APPBP2: variants seen among roughly 807,000 people sequenced by gnomAD.
APPBP2 encodes amyloid beta precursor protein binding protein 2.
A neutral mutation model predicts 76.0 loss-of-function variants in APPBP2; 15 were observed. That is an observed-to-expected ratio of 0.20 (90% CI 0.13 to 0.30). APPBP2 has a LOEUF of 0.30. APPBP2 is among the 10% of genes least tolerant of loss of function. The pLI is 1.00. For missense variants in APPBP2, 401 were observed against 687.2 expected (o/e 0.58, Z 4.66); for synonymous variants, 222 against 242.2 (o/e 0.92, Z 0.77).
Position 60,494,629 on chromosome 17 carries a change from GAA to G in APPBP2, c.228-14_228-13del, listed in dbSNP as rs745911838. On this transcript the variant is annotated splice_polypyrimidine_tract_variant and intron_variant, in intron 2 of 12. Transcript: ENST00000083182. ...GATGAAGCAAATGTCTGTAAGAAAA[GAA>G]AAAGATTATTTTATAGAGTTAATTT... 1.9e-6 allele frequency: 3 copies of G among 1,568,226 alleles called. No homozygotes were observed. In the South Asian group the frequency reaches 3.6e-5, roughly 19 times the overall value.
At chr17:60,516,528 T>G (rs370208757) in intron 1 of APPBP2, among the ~76,000 whole-genome samples, 54 of 152,358 alleles carry the variant, frequency 3.5e-4, no homozygotes, top group African/African-American at 1.2e-3. Flanking sequence ...TTTGCAAGAT[T>G]CATTCATATT....
intron 1 of APPBP2, among the ~76,000 whole-genome samples, chr17:60,516,057 T>C (rs1349741109): frequency 6.6e-6 from 1 of 151,984 alleles, no homozygotes; most frequent in Non-Finnish European, 1.5e-5. Context: ...TCCCAGCTAC[T>C]GGGGAAGCTG....
chr17:60,457,245 T>C (rs1013656260), intron 9 of APPBP2, among the ~76,000 whole-genome samples: 2 of 152,154 alleles, frequency 1.3e-5, no homozygotes, highest in African/African-American at 4.8e-5. Flanking sequence ...TATCACCAAA[T>C]AGAAGGTAAG....
At chr17:60,462,118 A>C (rs2090479952) in intron 6 of APPBP2, 57 bp from the exon 7 acceptor site, 1 of 1,324,462 alleles carries the variant, frequency 7.6e-7, no homozygotes, top group Non-Finnish European at 1.1e-6. Flanking sequence ...GTGCTAAAAT[A>C]CGTGTAGTTT....
At position 60,464,021 on chromosome 17, in the gene APPBP2, C is replaced by T; in HGVS notation, c.762G>A (p.Lys254=). ...TTAATAATTTTAACATTATATTTACCTTAGAAGCTTGTCTTAAGACATCCA... is the reference window on the plus strand; with the variant it reads ...TTAATAATTTTAACATTATATTTACTTTAGAAGCTTGTCTTAAGACATCCA... The part of the protein sequence containing the change: ...VVVDVLRQAS[K]ACVVKREFKK... The change falls in exon 6 of 13, where the codon AAG becomes AAA. Residue 254 remains lysine (K), a splice_region_variant and synonymous_variant. Coordinates refer to ENST00000083182, the MANE Select transcript of APPBP2 (RefSeq NM_006380.5). The T allele has an allele frequency of 6.3e-7, 1 of 1,590,852 alleles. No homozygotes were observed. The highest frequency in any genetic ancestry group is 1.1e-5 in the South Asian group (1 of 88,368).
intron 2 of APPBP2, among the ~76,000 whole-genome samples, chr17:60,495,434 TA>T (rs2090766741): frequency 1.7e-5 from 2 of 114,966 alleles, no homozygotes; most frequent in African/African-American, 1.1e-4. Flanking sequence ...ATATTTTATT[TA>T]TTTATTATTT....
intron 3 of APPBP2, among the ~76,000 whole-genome samples, chr17:60,491,144 A>G (rs8070347): frequency 0.2 from 29,724 of 152,166 alleles, 9,655 homozygotes; most frequent in African/African-American, 0.67. Flanking sequence ...CTTGTTGAAT[A>G]GCTTTGATCA....
intron 2 of APPBP2, among the ~76,000 whole-genome samples, chr17:60,499,236 T>C (rs1474158509): frequency 6.7e-6 from 1 of 150,044 alleles, no homozygotes; most frequent in Non-Finnish European, 1.5e-5. Flanking sequence ...GAGGCTGAGG[T>C]GGGAGGATGG....
intron 12 of APPBP2, among the ~76,000 whole-genome samples, chr17:60,448,632 A>C (rs2090368457): frequency 6.6e-6 from 1 of 152,238 alleles, no homozygotes; most frequent in Non-Finnish European, 1.5e-5. Flanking sequence ...CTGATGGGGA[A>C]ATTTCTGGGC....
At chr17:60,476,626 G>C (rs2090593095) in intron 4 of APPBP2, among the ~76,000 whole-genome samples, 2 of 152,180 alleles carry the variant, frequency 1.3e-5, no homozygotes, top group Admixed American at 1.3e-4. Context: ...AAGACATAAG[G>C]TCTTGGTATA....
chr17:60,465,077 T>C (rs1331692148), intron 5 of APPBP2: 1 of 152,164 alleles, frequency 6.6e-6, no homozygotes, highest in Non-Finnish European at 1.5e-5. Context: ...ATGTGATTTC[T>C]TTCCACAATT....
chr17:60,486,683 G>A (rs998715510), intron 3 of APPBP2, among the ~76,000 whole-genome samples: 1 of 152,078 alleles, frequency 6.6e-6, no homozygotes. Context: ...GGGGCATTTA[G>A]CCCATTTATA....
intron 4 of APPBP2, among the ~76,000 whole-genome samples, chr17:60,471,883 T>G (rs1020774839): frequency 1.3e-5 from 2 of 152,182 alleles, no homozygotes; most frequent in African/African-American, 4.8e-5. Flanking sequence ...CCTAGAACTT[T>G]GGGAGGCCAA....
chr17:60,504,670 C>T (rs1436948085), intron 1 of APPBP2, among the ~76,000 whole-genome samples: 1 of 152,060 alleles, frequency 6.6e-6, no homozygotes, highest in African/African-American at 2.4e-5. Context: ...AAAATCAGCC[C>T]GGCATGGCTG....
chr17:60,455,783 A>AT lies in APPBP2; in HGVS notation c.1147+512dup, dbSNP rs369294456. 3.3e-3 allele frequency among the ~76,000 whole-genome samples: 460 copies of AT among 137,354 alleles called. 1 individual carries two copies. Among genetic ancestry groups the AT allele is most frequent in the African/African-American group, 0.015 (415 of 27,942 alleles). 90.1% of individuals were successfully genotyped at this position (137,354 alleles called of 152,430 possible). A position where few individuals can be genotyped will look rare whatever the true frequency, so the allele number is the denominator to read the frequency against. On this transcript the variant is annotated intron_variant, in intron 10 of 12. Transcript: ENST00000083182. ...AAAAGAAAGAAATTCTGGCTTACTG[A>AT]TTTTTTTTTCTTGAGACAGAGTCTC...
At chr17:60,481,456 T>C (rs749185435) in intron 3 of APPBP2, among the ~76,000 whole-genome samples, 1 of 152,194 alleles carries the variant, frequency 6.6e-6, no homozygotes, top group Non-Finnish European at 1.5e-5. Flanking sequence ...ATGCTGATAA[T>C]TGATTTTATA....
At chr17:60,457,861 T>C (rs559589557) in intron 9 of APPBP2, among the ~76,000 whole-genome samples, 70 of 152,362 alleles carry the variant, frequency 4.6e-4, no homozygotes, top group African/African-American at 1.7e-3. Flanking sequence ...TGATTTTTAG[T>C]GTATTCACAG....
chr17:60,464,311 C>T (rs2090495747), intron 5 of APPBP2, among the ~76,000 whole-genome samples: 4 of 152,206 alleles, frequency 2.6e-5, no homozygotes, highest in Admixed American at 1.3e-4. Flanking sequence ...TATAGCTTAT[C>T]TGAATCAGAC....
intron 3 of APPBP2, among the ~76,000 whole-genome samples, chr17:60,485,946 T>G (rs1431987261): frequency 6.6e-6 from 1 of 152,196 alleles, no homozygotes; most frequent in Non-Finnish European, 1.5e-5. Context: ...CTGCCTTCAT[T>G]TCGTTATTTA....
Sources: gnomAD v4.1 joint callset for allele counts (sites outside exome capture counted in the v4.1 genomes callset) on GRCh38, gnomAD v4.1.1 for gene constraint, MANE v1.5 for transcripts, NCBI Gene and HGNC (gene_info 2026-07-23, HGNC 2026-07-21) for gene names.